HCN1: variants seen among roughly 807,000 people sequenced by gnomAD.
HCN1 encodes potassium/sodium hyperpolarization-activated cyclic nucleotide-gated channel 1.
In HCN1, 13 loss-of-function variants were observed where a neutral mutation model predicts 78.9. The ratio of observed to expected loss-of-function variants is 0.16; its 90% CI spans 0.11 to 0.26. The LOEUF (loss-of-function observed/expected upper bound fraction) is 0.26, where lower values mean the gene tolerates loss of function less well. Among genes scored for constraint, HCN1 ranks in the 10% least tolerant of loss-of-function variants. HCN1 has a pLI of 1.00. For synonymous variants in HCN1, 552 were observed against 455.5 expected (o/e 1.21, Z -2.70); for missense variants, 810 against 1,154.3 (o/e 0.70, Z 4.32).
At chr5:45,570,565 A>T (rs953472792) in intron 2 of HCN1, among the ~76,000 whole-genome samples, 6 of 152,146 alleles carry the variant, frequency 3.9e-5, no homozygotes, top group Non-Finnish European at 5.9e-5. Context: ...ATCGGGAGCT[A>T]AATATCTTTA....
At chr5:45,376,236 C>CTATATTCCATATAGAATATAGAA (rs1747658632) in intron 4 of HCN1, among the ~76,000 whole-genome samples, 11 of 27,958 alleles carry the variant, frequency 3.9e-4, no homozygotes, top group Admixed American at 9.1e-4. Context: ...AATATATATT[C>CTATATTCCATATAGAATATAGAA]TATATATTCT....
intron 2 of HCN1, among the ~76,000 whole-genome samples, chr5:45,515,748 C>T (rs1044656354): frequency 2.0e-5 from 3 of 152,002 alleles, no homozygotes; most frequent in East Asian, 3.9e-4. Flanking sequence ...CCTATAACCA[C>T]ATTATGAAAC....
chr5:45,679,786 T>C (rs1415670912), intron 1 of HCN1, among the ~76,000 whole-genome samples: 1 of 152,152 alleles, frequency 6.6e-6, no homozygotes, highest in African/African-American at 2.4e-5. Context: ...CACTAGCTTC[T>C]AAATATTGCC....
At chr5:45,578,747 C>G (rs1743997527) in intron 2 of HCN1, among the ~76,000 whole-genome samples, 1 of 151,894 alleles carries the variant, frequency 6.6e-6, no homozygotes, top group Non-Finnish European at 1.5e-5. Context: ...GAGCAATTAA[C>G]AAACAGCCGA....
chr5:45,360,548 GT>G (rs934024296), intron 4 of HCN1, among the ~76,000 whole-genome samples: 8 of 152,044 alleles, frequency 5.3e-5, no homozygotes, highest in African/African-American at 1.7e-4. Context: ...AACAAGTATT[GT>G]TTCTAGAATT....
intron 3 of HCN1, among the ~76,000 whole-genome samples, chr5:45,432,364 C>T (rs1740480270): frequency 6.6e-6 from 1 of 152,080 alleles, no homozygotes; most frequent in Non-Finnish European, 1.5e-5. Flanking sequence ...GGTATAGAAT[C>T]ATTTTCTCTG....
Position 45,461,907 on chromosome 5 carries a change from A to G in HCN1, c.950T>C (p.Phe317Ser). Residue 317 changes from phenylalanine (F) to serine (S), a missense_variant, in exon 3 of 8, where the codon TTC (phenylalanine) becomes TCC (serine). By Grantham distance (155) the Phe-to-Ser change is radical. Around this residue, in one of 6 missense-constraint regions of HCN1, gnomAD observed 104 missense variants for 402.8 expected, o/e 0.26. Coordinates refer to ENST00000303230, the MANE Select transcript of HCN1 (RefSeq NM_021072.4). ...GAAGTCCTGCAGTAGTGGTACTAAG[A>G]ACTGAAGACAACCATCCCAGTGGCA... The part of the protein sequence containing the change: ...LLCHWDGCLQ[F>S]LVPLLQDFPP... 6.2e-7 allele frequency: 1 copy of G among 1,613,550 alleles called. No individual in the cohort carries two copies. The highest frequency in any genetic ancestry group is 8.5e-7 in the Non-Finnish European group (1 of 1,179,624).
intron 2 of HCN1, among the ~76,000 whole-genome samples, chr5:45,495,190 C>A (rs1741997777): frequency 9.0e-6 from 1 of 110,902 alleles, no homozygotes; most frequent in Non-Finnish European, 1.8e-5. Flanking sequence ...TTACCTTGGG[C>A]AGTATGGCCA....
intron 1 of HCN1, among the ~76,000 whole-genome samples, chr5:45,688,089 T>C (rs1475990659): frequency 6.6e-6 from 1 of 152,160 alleles, no homozygotes; most frequent in African/African-American, 2.4e-5. Flanking sequence ...GTCCATTAAC[T>C]TCCTATTTTA....
chr5:45,437,923 T>A (rs1309070486), intron 3 of HCN1, among the ~76,000 whole-genome samples: 1 of 152,166 alleles, frequency 6.6e-6, no homozygotes, highest in South Asian at 2.1e-4. Context: ...AGGATCCACT[T>A]TCAGCTTTTC....
chr5:45,381,075 C>T (rs1450529026), intron 4 of HCN1, among the ~76,000 whole-genome samples: 1 of 152,096 alleles, frequency 6.6e-6, no homozygotes, highest in Admixed American at 6.6e-5. Flanking sequence ...ATTTCCTGTT[C>T]AATTTCTTAA....
chr5:45,622,961 C>T (rs1315917489), intron 2 of HCN1, among the ~76,000 whole-genome samples: 2 of 152,110 alleles, frequency 1.3e-5, no homozygotes, highest in Non-Finnish European at 2.9e-5. Context: ...GCAGCAGGAA[C>T]TAGTGTCTTG....
At chr5:45,309,371 C>T (rs1745803344) in intron 5 of HCN1, among the ~76,000 whole-genome samples, 1 of 152,024 alleles carries the variant, frequency 6.6e-6, no homozygotes, top group Non-Finnish European at 1.5e-5. Flanking sequence ...CTTCTCTTTC[C>T]TAATTGCTAT....
intron 4 of HCN1, among the ~76,000 whole-genome samples, chr5:45,376,699 G>T (rs1024376182): frequency 2.0e-5 from 3 of 151,828 alleles, no homozygotes; most frequent in African/African-American, 7.2e-5. Context: ...GGACCCTGAG[G>T]TTCACTGGCA....
intron 2 of HCN1, among the ~76,000 whole-genome samples, chr5:45,586,149 C>T (rs1744215081): frequency 1.3e-5 from 2 of 152,170 alleles, no homozygotes; most frequent in African/African-American, 4.8e-5. Flanking sequence ...AGGCAGGCTT[C>T]CTTGAGCCGC....
At position 45,257,355 on chromosome 5, in the gene HCN1, A is replaced by G. The variant is rs7701207; in HGVS notation, c.*4566T>C. 1.6e-3 allele frequency: 241 copies of G among 152,292 alleles called. No individual in the cohort carries two copies. Among genetic ancestry groups the G allele is most frequent in the African/African-American group, 5.7e-3 (237 of 41,562 alleles). The allele number at this position is 152,292 out of a possible 1,614,324, so 9.4% of individuals were successfully genotyped here. A position where few individuals can be genotyped will look rare whatever the true frequency, so the allele number is the denominator to read the frequency against. ...TTCCCAATCAGCTGTGCTCTGTTAA[A>G]CATCCACATTTTAGAAAAGCATGCT... On this transcript the variant is annotated 3_prime_UTR_variant, in exon 8 of 8. Transcript: ENST00000303230.
chr5:45,695,981 C>A lies in HCN1; in HGVS notation c.113G>T (p.Arg38Leu), dbSNP rs761449013. Residue 38 changes from arginine to leucine, a missense_variant, in exon 1 of 8, where the codon CGC (arginine) becomes CTC (leucine). Coordinates refer to ENST00000303230, the MANE Select transcript of HCN1 (RefSeq NM_021072.4). The stretch of plus-strand genomic sequence containing the variant: ...GCCGCCCCCCGGCGGGGTGCCCAGG[C>A]GCTTCTCGGCCGCGGCCGGCCCCGC... Reference protein sequence around the residue: ...TGAGPAAAEKRLGTPPGGGGA... With the variant: ...TGAGPAAAEKLLGTPPGGGGA... 16 of 1,302,012 alleles carry A rather than the reference C, an allele frequency of 1.2e-5. No individual in the cohort carries two copies. In the South Asian group the frequency reaches 1.3e-4, roughly 10 times the overall value. The allele number at this position is 1,302,012 out of a possible 1,614,324, so 80.7% of individuals were successfully genotyped here. A position where few individuals can be genotyped will look rare whatever the true frequency, so the allele number is the denominator to read the frequency against.
chr5:45,598,221 T>C (rs1744547230), intron 2 of HCN1, among the ~76,000 whole-genome samples: 2 of 152,060 alleles, frequency 1.3e-5, no homozygotes, highest in South Asian at 4.2e-4. Context: ...AATAGATATA[T>C]AGACCAATGG....
At chr5:45,558,963 A>G (rs1166168306) in intron 2 of HCN1, 1 of 126,454 alleles carries the variant, frequency 7.9e-6, no homozygotes, top group East Asian at 2.4e-4. Flanking sequence ...ATCTTGCTAG[A>G]TTGCTCAGGC....
Sources: gnomAD v4.1 joint callset for allele counts (sites outside exome capture counted in the v4.1 genomes callset) on GRCh38, gnomAD v4.1.1 for gene constraint, gnomAD v4.1.1 regional missense constraint, MANE v1.5 for transcripts, NCBI Gene and HGNC (gene_info 2026-07-23, HGNC 2026-07-21) for gene names.